The following UBE2E2 variants were observed in gnomAD, a reference collection of about 807,000 sequenced individuals.
UBE2E2 encodes the protein ubiquitin-conjugating enzyme E2 E2.
UBE2E2 carries 6 observed loss-of-function variants against 24.7 expected under a neutral mutation model. The ratio of observed to expected loss-of-function variants is 0.24; its 90% CI spans 0.13 to 0.48. The LOEUF (loss-of-function observed/expected upper bound fraction) is 0.48, where lower values mean the gene tolerates loss of function less well. Ranked by LOEUF, UBE2E2 falls within the 20% of genes least tolerant of loss-of-function variation. The pLI is 0.99. For missense variants in UBE2E2, 169 were observed against 245.0 expected (o/e 0.69, Z 2.07); for synonymous variants, 104 against 83.6 (o/e 1.24, Z -1.33).
At chr3:23,214,305 A>C (rs951287940) in intron 2 of UBE2E2, among the ~76,000 whole-genome samples, 1 of 151,876 alleles carries the variant, frequency 6.6e-6, no homozygotes, top group African/African-American at 2.4e-5. Flanking sequence ...CACAGGCTGG[A>C]GTATGTGGTA....
At chr3:23,445,644 G>A (rs936464198) in intron 3 of UBE2E2, among the ~76,000 whole-genome samples, 3 of 152,186 alleles carry the variant, frequency 2.0e-5, no homozygotes, top group Non-Finnish European at 4.4e-5. Flanking sequence ...TCATGAAGGA[G>A]AAAGGCGTTA....
At chr3:23,505,750 G>A (rs1337100856) in intron 4 of UBE2E2, among the ~76,000 whole-genome samples, 1 of 152,176 alleles carries the variant, frequency 6.6e-6, no homozygotes, top group African/African-American at 2.4e-5. Flanking sequence ...TTTTTATAAA[G>A]TCTAACTATG....
chr3:23,394,953 G>A (rs1172827430), intron 3 of UBE2E2, among the ~76,000 whole-genome samples: 1 of 152,120 alleles, frequency 6.6e-6, no homozygotes, highest in Non-Finnish European at 1.5e-5. Flanking sequence ...TAAGTCCTCT[G>A]TGTGGACCCT....
intron 2 of UBE2E2, among the ~76,000 whole-genome samples, chr3:23,214,084 C>T (rs1696402008): frequency 6.6e-6 from 1 of 152,136 alleles, no homozygotes; most frequent in African/African-American, 2.4e-5. Context: ...TGTCAAGAGA[C>T]ATACAACCAT....
At chr3:23,574,807 G>A (rs1696309812) in intron 5 of UBE2E2, among the ~76,000 whole-genome samples, 1 of 152,122 alleles carries the variant, frequency 6.6e-6, no homozygotes, top group South Asian at 2.1e-4. Context: ...TAATACTTTT[G>A]CATTCACTTG....
At chr3:23,351,028 A>G (rs568438502) in intron 3 of UBE2E2, among the ~76,000 whole-genome samples, 73 of 152,372 alleles carry the variant, frequency 4.8e-4, no homozygotes, top group Admixed American at 5.9e-4. Flanking sequence ...TCAGACTAAC[A>G]GCAGATCTCT....
chr3:23,505,960 A>C (rs1432855657), intron 4 of UBE2E2, among the ~76,000 whole-genome samples: 1 of 152,236 alleles, frequency 6.6e-6, no homozygotes, highest in Non-Finnish European at 1.5e-5. Flanking sequence ...AAAGCCAGAG[A>C]GAGATCTGTA....
chr3:23,331,980 T>C (rs1695070651), intron 3 of UBE2E2, among the ~76,000 whole-genome samples: 1 of 152,220 alleles, frequency 6.6e-6, no homozygotes, highest in Non-Finnish European at 1.5e-5. Flanking sequence ...CTGGATAATT[T>C]TGCATGGCCT....
intron 3 of UBE2E2, among the ~76,000 whole-genome samples, chr3:23,289,514 G>C (rs1698704502): frequency 6.6e-6 from 1 of 152,210 alleles, no homozygotes; most frequent in African/African-American, 2.4e-5. Context: ...TTTTTCAAAT[G>C]TGATGGATGA....
At chr3:23,296,977 C>T (rs1698929082) in intron 3 of UBE2E2, among the ~76,000 whole-genome samples, 1 of 152,112 alleles carries the variant, frequency 6.6e-6, no homozygotes, top group Non-Finnish European at 1.5e-5. Context: ...CCTGTTGTTT[C>T]CTGACTTTTT....
intron 3 of UBE2E2, among the ~76,000 whole-genome samples, chr3:23,225,848 T>G (rs1696804983): frequency 6.6e-6 from 1 of 151,930 alleles, no homozygotes; most frequent in Non-Finnish European, 1.5e-5. Context: ...TTACTACTCA[T>G]GGGAGCCATT....
chr3:23,371,453 T>C (rs1696397032), intron 3 of UBE2E2, among the ~76,000 whole-genome samples: 1 of 152,230 alleles, frequency 6.6e-6, no homozygotes, highest in African/African-American at 2.4e-5. Context: ...CTGAATTAAA[T>C]ATATTTTCAA....
intron 3 of UBE2E2, among the ~76,000 whole-genome samples, chr3:23,417,154 C>T (rs1419805209): frequency 1.3e-5 from 2 of 152,162 alleles, no homozygotes; most frequent in African/African-American, 4.8e-5. Context: ...AATTCTCAGC[C>T]TTTTTGTGCT....
At chr3:23,270,909 A>T (rs1277094221) in intron 3 of UBE2E2, 1 of 456,180 alleles carries the variant, frequency 2.2e-6, no homozygotes, top group Non-Finnish European at 4.4e-6. Context: ...ACATTTATGA[A>T]ATCCTGCTGA....
At chr3:23,565,975 T>C (rs1251311606) in intron 5 of UBE2E2, among the ~76,000 whole-genome samples, 1 of 152,202 alleles carries the variant, frequency 6.6e-6, no homozygotes, top group Non-Finnish European at 1.5e-5. Context: ...ATTCATTTGT[T>C]GCTTTTGAAC....
chr3:23,406,447 G>A (rs1027669701), intron 3 of UBE2E2, among the ~76,000 whole-genome samples: 1 of 152,082 alleles, frequency 6.6e-6, no homozygotes, highest in African/African-American at 2.4e-5. Flanking sequence ...CTACCCTAAT[G>A]AGGTTATTGG....
intron 3 of UBE2E2, among the ~76,000 whole-genome samples, chr3:23,268,380 A>G (rs908971593): frequency 2.2e-4 from 34 of 152,186 alleles, no homozygotes; most frequent in African/African-American, 7.9e-4. Flanking sequence ...AAATCAATGT[A>G]CAAAAATCAC....
chr3:23,377,808 A>G (rs114557893), intron 3 of UBE2E2, among the ~76,000 whole-genome samples: 4,421 of 152,348 alleles, frequency 0.029, 110 homozygotes, highest in East Asian at 0.13. Flanking sequence ...CTGATATATG[A>G]TAAGAGCTTA....
chr3:23,350,060 G>A (rs1695690408), intron 3 of UBE2E2, among the ~76,000 whole-genome samples: 2 of 152,246 alleles, frequency 1.3e-5, no homozygotes, highest in South Asian at 2.1e-4. Flanking sequence ...CGATCAGACA[G>A]CAGCATTTGC....
Sources: gnomAD v4.1 joint callset for allele counts (sites outside exome capture counted in the v4.1 genomes callset) on GRCh38, gnomAD v4.1.1 for gene constraint, MANE v1.5 for transcripts, NCBI Gene and HGNC (gene_info 2026-07-23, HGNC 2026-07-21) for gene names.